The following TPST2 variants were observed in gnomAD, a reference collection of about 807,000 sequenced individuals.
TPST2 encodes tyrosylprotein sulfotransferase 2.
A neutral mutation model predicts 27.8 loss-of-function variants in TPST2; 16 were observed. The observed-to-expected ratio is 0.58, with a 90% CI of 0.39 to 0.88. The LOEUF is 0.88. Ranked by LOEUF, TPST2 falls within the 40% of genes least tolerant of loss-of-function variation. TPST2 has a pLI of 0.00. For synonymous variants in TPST2, 229 were observed against 231.7 expected (o/e 0.99, Z 0.10); for missense variants, 464 against 543.1 (o/e 0.85, Z 1.45).
Position 26,541,238 on chromosome 22 carries a change from C to G in TPST2, c.393G>C (p.Glu131Asp). The G allele has an allele frequency of 6.4e-7, 1 of 1,552,128 alleles. No homozygotes were observed. ...AGGCCTGCATGGCGGCGTCCAGCAC[C>G]TCATCCGTCACCCCCGCCTCATCCA... Reference protein sequence around the residue: ...LRLDEAGVTDEVLDAAMQAFI... With the variant: ...LRLDEAGVTDDVLDAAMQAFI... Residue 131 changes from glutamate to aspartate, a missense_variant, in exon 3 of 7, where the codon GAG (glutamate) becomes GAC (aspartate). Coordinates refer to ENST00000338754, the MANE Select transcript of TPST2 (RefSeq NM_003595.5). This position sits in a 1 kb window ranked among gnomAD's most constrained non-coding sequence, Gnocchi z 5.9.
Position 26,541,318 on chromosome 22 carries a change from G to A in TPST2, c.313C>T (p.Arg105Cys), listed in dbSNP as rs1385428503. ...RCGEETRIIP[R>C]VLAMRQAWSK... The stretch of plus-strand genomic sequence containing the variant: ...CAGGCCTGGCGCATGGCCAGCACGC[G>A]CGGGATGATGCGGGTCTCCTCGCCG... Residue 105 changes from arginine (R) to cysteine (C), a missense_variant, in exon 3 of 7, where the codon CGC (arginine) becomes TGC (cysteine). Arg to Cys is a radical substitution (Grantham distance 180). Transcript: ENST00000338754. This position sits in a 1 kb window ranked among gnomAD's most constrained non-coding sequence, Gnocchi z 5.9. 2.6e-6 allele frequency: 4 copies of A among 1,545,152 alleles called. No homozygotes were observed. The highest frequency in any genetic ancestry group is 3.5e-6 in the Non-Finnish European group (4 of 1,143,840).
chr22:26,573,939 T>C (rs1314657798), intron 1 of TPST2, among the ~76,000 whole-genome samples: 2 of 152,152 alleles, frequency 1.3e-5, no homozygotes, highest in African/African-American at 2.4e-5. Context: ...ACCGGAAGAA[T>C]TGCAAAGGCT....
At chr22:26,561,238 GAAA>G (rs1227018690) in intron 1 of TPST2, 1 of 1,499,784 alleles carries the variant, frequency 6.7e-7, no homozygotes, top group African/African-American at 1.4e-5. Flanking sequence ...TCCTTTTAAA[GAAA>G]AAAATTGAAA....
chr22:26,569,118 C>T (rs1555934407), intron 1 of TPST2, among the ~76,000 whole-genome samples: 4 of 152,164 alleles, frequency 2.6e-5, no homozygotes, highest in South Asian at 2.1e-4. Context: ...CCGCCTCAGC[C>T]TCCCAAAGCG....
intron 1 of TPST2, among the ~76,000 whole-genome samples, chr22:26,585,657 C>T (rs930053125): frequency 1.3e-5 from 2 of 152,192 alleles, no homozygotes; most frequent in African/African-American, 2.4e-5. Context: ...AAGCCACATG[C>T]ATTTTTCCAA....
At chr22:26,582,405 C>T (rs1928151007) in intron 1 of TPST2, among the ~76,000 whole-genome samples, 1 of 152,090 alleles carries the variant, frequency 6.6e-6, no homozygotes, top group Non-Finnish European at 1.5e-5. Flanking sequence ...CCAGCCTGGG[C>T]AACAAGATCG....
intron 1 of TPST2, among the ~76,000 whole-genome samples, chr22:26,562,449 T>C (rs1797997931): frequency 6.6e-6 from 1 of 152,182 alleles, no homozygotes; most frequent in Admixed American, 6.5e-5. Context: ...ACTTTTAAGA[T>C]GCACCTAATT....
At chr22:26,540,715 G>C (rs1300267560) in intron 3 of TPST2, 74 bp downstream of exon 3, 3 of 1,404,278 alleles carry the variant, frequency 2.1e-6, no homozygotes, top group Non-Finnish European at 2.8e-6. Context: ...AAGAAAGGCA[G>C]TGCTGATTTT....
At position 26,572,783 on chromosome 22, in the gene TPST2, C is replaced by T. The variant is rs546407931; in HGVS notation, c.-161+17270G>A. Among the ~76,000 whole-genome samples, 22 of 152,084 alleles carry T rather than the reference C, an allele frequency of 1.4e-4. No homozygotes were observed. The South Asian group carries it at 1.7e-3, about 11-fold the overall frequency. Reference sequence around the variant, plus strand: ...CATTGCAGTCTGGTGGGTTTTTTTTCTTCTTCTTCTTTTTCTTTTTTTCCT... The same window carrying T: ...CATTGCAGTCTGGTGGGTTTTTTTTTTTCTTCTTCTTTTTCTTTTTTTCCT... On this transcript the variant is annotated intron_variant, in intron 1 of 6. Transcript: ENST00000338754.
rs191533615 is a variant in TPST2 at position 26,577,953 on chromosome 22, C to A, written c.-161+12100G>T. 5.7e-3 allele frequency among the ~76,000 whole-genome samples: 866 copies of A among 152,082 alleles called. 6 individuals are homozygous for A. Among genetic ancestry groups the A allele is most frequent in the African/African-American group, 0.02 (822 of 41,486 alleles). ...ACAGGCATTAGCCACCATGCCTGGC[C>A]GAGTTTCATTTCTTAGATCTCACCC... On this transcript the variant is annotated intron_variant, in intron 1 of 6. Coordinates refer to ENST00000338754, the MANE Select transcript of TPST2 (RefSeq NM_003595.5).
intron 1 of TPST2, among the ~76,000 whole-genome samples, chr22:26,559,834 T>G (rs1926992835): frequency 6.6e-6 from 1 of 152,136 alleles, no homozygotes; most frequent in South Asian, 2.1e-4. Context: ...CATGGTTCTA[T>G]TCACACCTTC....
chr22:26,531,008 T>TCAAAAA (rs3037015), intron 5 of TPST2, among the ~76,000 whole-genome samples: 11,949 of 151,714 alleles, frequency 0.079, 651 homozygotes, highest in East Asian at 0.12. Flanking sequence ...AAACTCCATC[T>TCAAAAA]CAAAAACAAA....
At chr22:26,545,762 A>G (rs1926082071) in intron 1 of TPST2, among the ~76,000 whole-genome samples, 1 of 152,158 alleles carries the variant, frequency 6.6e-6, no homozygotes, top group Non-Finnish European at 1.5e-5. Flanking sequence ...CCAGGGTAAC[A>G]ACACTTTAAA....
At chr22:26,547,296 C>T (rs549894867) in intron 1 of TPST2, among the ~76,000 whole-genome samples, 3 of 152,172 alleles carry the variant, frequency 2.0e-5, no homozygotes, top group South Asian at 2.1e-4. Context: ...GATGGAGTCC[C>T]GCTATGTTGC....
chr22:26,541,321 G>T lies in TPST2; in HGVS notation c.310C>A (p.Pro104Thr). ...VRCGEETRII[P>T]RVLAMRQAWS... ...GCCTGGCGCATGGCCAGCACGCGCG[G>T]GATGATGCGGGTCTCCTCGCCGCAG... Residue 104 changes from proline (P) to threonine (T), a missense_variant, in exon 3 of 7, where the codon CCG becomes ACG. Pro to Thr is a conservative substitution (Grantham distance 38, BLOSUM62 -1). Coordinates refer to ENST00000338754, the MANE Select transcript of TPST2 (RefSeq NM_003595.5). The surrounding 1 kb of genome is among the most constrained non-coding windows in gnomAD (Gnocchi z 5.9). 2.6e-6 allele frequency: 4 copies of T among 1,546,530 alleles called. No homozygotes were observed. Among genetic ancestry groups the T allele is most frequent in the Non-Finnish European group, 3.5e-6 (4 of 1,144,426 alleles).
At chr22:26,568,888 G>T (rs1220248811) in intron 1 of TPST2, among the ~76,000 whole-genome samples, 2 of 116 alleles carry the variant, frequency 0.017, no homozygotes, top group Non-Finnish European at 0.043. Flanking sequence ...TTTTTGAGAC[G>T]GATCTCGCTC....
chr22:26,569,067 G>T lies in TPST2; in HGVS notation c.-161+20986C>A, dbSNP rs556384037. On this transcript the variant is annotated intron_variant, in intron 1 of 6. Coordinates refer to ENST00000338754, the MANE Select transcript of TPST2 (RefSeq NM_003595.5). Reference sequence around the variant, plus strand: ...TTCAGTAGAGACGGGCTTTCACTGTGTTAGCCAGGATGGTCTCGATCTCCT... The same window carrying T: ...TTCAGTAGAGACGGGCTTTCACTGTTTTAGCCAGGATGGTCTCGATCTCCT... Among the ~76,000 whole-genome samples the T allele has an allele frequency of 1.3e-4, 20 of 152,110 alleles. No individual in the cohort carries two copies. The East Asian group carries it at 3.7e-3, about 28-fold the overall frequency.
chr22:26,537,575 C>G (rs973024192), intron 3 of TPST2, among the ~76,000 whole-genome samples: 3 of 152,182 alleles, frequency 2.0e-5, no homozygotes, highest in Non-Finnish European at 2.9e-5. Flanking sequence ...GCCTCAGCCT[C>G]CCAAGTAGCT....
chr22:26,576,395 A>AT (rs1264634426), intron 1 of TPST2, among the ~76,000 whole-genome samples: 85 of 152,330 alleles, frequency 5.6e-4, no homozygotes, highest in African/African-American at 2.0e-3. Context: ...AAGTAACAGG[A>AT]TAATTCACAG....
Sources: allele counts gnomAD v4.1 joint callset (sites outside exome capture counted in the v4.1 genomes callset), GRCh38; gene constraint gnomAD v4.1.1; non-coding constraint Gnocchi (gnomAD v3.1); transcripts MANE v1.5; gene names NCBI Gene and HGNC (gene_info 2026-07-23, HGNC 2026-07-21).